Variants in ARSJ observed in about 807,000 individuals in gnomAD.
The protein encoded by ARSJ is arylsulfatase J.
A neutral mutation model predicts 35.9 loss-of-function variants in ARSJ; 26 were observed. The ratio of observed to expected loss-of-function variants is 0.72; its 90% CI spans 0.53 to 1.00. The LOEUF is 1.00. ARSJ is among the 50% of genes least tolerant of loss of function. The pLI is 0.00. For synonymous variants in ARSJ, 294 were observed against 267.6 expected, an observed-to-expected ratio of 1.10 and a Z score of -0.96; for missense variants, 667 against 723.6, an observed-to-expected ratio of 0.92 and a Z score of 0.90.
chr4:113,961,713 A>T (rs539494669), intron 1 of ARSJ, among the ~76,000 whole-genome samples: 8 of 152,144 alleles, frequency 5.3e-5, no homozygotes, highest in Non-Finnish European at 8.8e-5. Flanking sequence ...TTAAAATAAG[A>T]AGCAAAATAG....
intron 1 of ARSJ, among the ~76,000 whole-genome samples, chr4:113,963,811 A>G (rs895450144): frequency 1.3e-5 from 2 of 152,088 alleles, no homozygotes; most frequent in Admixed American, 6.6e-5. Context: ...TAGCCGATGA[A>G]TAGTTTTCTT....
At chr4:113,964,219 C>T (rs897999761) in intron 1 of ARSJ, among the ~76,000 whole-genome samples, 6 of 152,052 alleles carry the variant, frequency 3.9e-5, no homozygotes, top group African/African-American at 1.4e-4. Flanking sequence ...TGCACACACT[C>T]TGAAACTGAT....
chr4:113,904,136 C>T (rs1170676833), intron 1 of ARSJ, among the ~76,000 whole-genome samples: 2 of 151,888 alleles, frequency 1.3e-5, no homozygotes, highest in Non-Finnish European at 2.9e-5. Flanking sequence ...ACCATGTTGG[C>T]CAGGCTAGTC....
intron 1 of ARSJ, among the ~76,000 whole-genome samples, chr4:113,972,710 T>C (rs560019757): frequency 6.6e-6 from 1 of 152,156 alleles, no homozygotes; most frequent in Non-Finnish European, 1.5e-5. Flanking sequence ...GGTCTCACTA[T>C]GTTGTGCAGT....
intron 1 of ARSJ, among the ~76,000 whole-genome samples, chr4:113,962,811 A>G (rs1323014880): frequency 3.9e-5 from 6 of 152,050 alleles, no homozygotes; most frequent in Admixed American, 2.6e-4. Flanking sequence ...ATCCCATTTT[A>G]GTCGAGTGAA....
In ARSJ at chr4:113,902,290, C is replaced by G. The variant is rs768109527; in HGVS notation, c.1784G>C (p.Gly595Ala). The change falls in exon 2 of 2, where the codon GGT (glycine) becomes GCT (alanine). Residue 595 changes from glycine to alanine, a missense_variant. Coordinates refer to ENST00000315366, the MANE Select transcript of ARSJ (RefSeq NM_024590.4). The part of the protein sequence containing the change: ...KAVSGSTCHS[G>A]VTCG ...TATTTGTGCTTATCCACAAGTAACA[C>G]CTGAATGGCAAGTTGAACCTGAGAC... 43 of 1,611,126 alleles carry G rather than the reference C, an allele frequency of 2.7e-5. No individual in the cohort carries two copies. Among genetic ancestry groups the G allele is most frequent in the Non-Finnish European group, 3.4e-5 (40 of 1,180,014 alleles).
chr4:113,953,551 A>G (rs1361877336), intron 1 of ARSJ, among the ~76,000 whole-genome samples: 1 of 151,440 alleles, frequency 6.6e-6, no homozygotes, highest in Non-Finnish European at 1.5e-5. Context: ...TTGAATTTCC[A>G]ATAGGATTTG....
chr4:113,938,460 A>G (rs1371328635), intron 1 of ARSJ, among the ~76,000 whole-genome samples: 2 of 152,096 alleles, frequency 1.3e-5, no homozygotes, highest in Non-Finnish European at 2.9e-5. Context: ...AGGCAATACC[A>G]TTTAGGACAT....
At position 113,964,282 on chromosome 4, in the gene ARSJ, G is replaced by A. The variant is rs116584046; in HGVS notation, c.398+14155C>T. 4.4e-3 allele frequency among the ~76,000 whole-genome samples: 663 copies of A among 152,038 alleles called. 6 individuals are homozygous for A. Among genetic ancestry groups the A allele is most frequent in the African/African-American group, 0.015 (632 of 41,516 alleles). On this transcript the variant is annotated intron_variant, in intron 1 of 1. Transcript: ENST00000315366. ...TGATTTAAACAACACACTGAAATAA[G>A]CATTTGTTTTCTTCAAGTTCACACT...
intron 1 of ARSJ, among the ~76,000 whole-genome samples, chr4:113,932,351 A>G (rs1024439172): frequency 6.6e-6 from 1 of 152,064 alleles, no homozygotes; most frequent in Admixed American, 6.6e-5. Flanking sequence ...GTTAAACTAG[A>G]CATTAGACTA....
In ARSJ at chr4:113,903,147, C is replaced by T. The variant is rs2099667667; in HGVS notation, c.927G>A (p.Leu309=). 1.3e-5 allele frequency: 21 copies of T among 1,614,092 alleles called. No homozygotes were observed. The highest frequency in any genetic ancestry group is 1.8e-5 in the Non-Finnish European group (21 of 1,180,022). Residue 309 remains leucine, a synonymous_variant, in exon 2 of 2, where the codon TTG becomes TTA. Coordinates refer to ENST00000315366, the MANE Select transcript of ARSJ (RefSeq NM_024590.4). ...CLDEAINNVT[L]ALKTYGFYNN... The stretch of plus-strand genomic sequence containing the variant: ...TATAGAAACCATAAGTCTTTAGAGC[C>T]AATGTCACGTTGTTGATTGCTTCAT...
intron 1 of ARSJ, among the ~76,000 whole-genome samples, chr4:113,930,278 G>A (rs1724350472): frequency 6.6e-6 from 1 of 152,114 alleles, no homozygotes; most frequent in African/African-American, 2.4e-5. Flanking sequence ...GAAGGACTTG[G>A]AGTCTGATGT....
chr4:113,960,189 G>C (rs1562371423), intron 1 of ARSJ, among the ~76,000 whole-genome samples: 1 of 151,892 alleles, frequency 6.6e-6, no homozygotes, highest in Non-Finnish European at 1.5e-5. Flanking sequence ...AGTTGTAGTG[G>C]GCATTTTACA....
intron 1 of ARSJ, among the ~76,000 whole-genome samples, chr4:113,961,893 CTCTCTGTGTGTGTGTGTG>C (rs1024127587): frequency 2.4e-4 from 29 of 122,522 alleles, no homozygotes; most frequent in Non-Finnish European, 4.1e-4. Flanking sequence ...CTCTCTCTCT[CTCTCTGTGTGTGTGTGTG>C]TGTGTGTGTG....
At chr4:113,913,682 C>T (rs1046440982) in intron 1 of ARSJ, among the ~76,000 whole-genome samples, 11 of 152,160 alleles carry the variant, frequency 7.2e-5, no homozygotes, top group African/African-American at 2.7e-4. Context: ...TGTACCCACA[C>T]TGCCAAAATA....
intron 1 of ARSJ, among the ~76,000 whole-genome samples, chr4:113,968,092 G>A (rs1343083701): frequency 3.3e-5 from 5 of 152,056 alleles, no homozygotes; most frequent in South Asian, 4.1e-4. Flanking sequence ...GTTTCTATGT[G>A]GCAGGCTCTG....
At chr4:113,965,055 T>A (rs1304281573) in intron 1 of ARSJ, among the ~76,000 whole-genome samples, 2 of 151,996 alleles carry the variant, frequency 1.3e-5, no homozygotes, top group African/African-American at 4.8e-5. Context: ...GGAATTATAT[T>A]TTAAATGCCT....
rs1392589178 is a variant in ARSJ at position 113,979,438 on chromosome 4, A to G, written c.-604T>C. ...CCCAGTCCTTTCCTAGGCGTTTGCC[A>G]ATCTCCCCGACACTCACCAGGCGGC... On this transcript the variant is annotated 5_prime_UTR_variant, in exon 1 of 2. Coordinates refer to ENST00000315366, the MANE Select transcript of ARSJ (RefSeq NM_024590.4). The G allele has an allele frequency of 6.6e-6, 1 of 152,476 alleles. No individual in the cohort carries two copies. Among genetic ancestry groups the G allele is most frequent in the Non-Finnish European group, 1.5e-5 (1 of 68,254 alleles). 9.4% of individuals were successfully genotyped at this position (152,476 alleles called of 1,614,324 possible). A position where few individuals can be genotyped will look rare whatever the true frequency, so the allele number is the denominator to read the frequency against.
chr4:113,904,086 ATTTT>A (rs10607935), intron 1 of ARSJ, among the ~76,000 whole-genome samples: 11,364 of 149,340 alleles, frequency 0.076, 448 homozygotes, highest in East Asian at 0.11. Context: ...ACATGCCCAG[ATTTT>A]TTTTTTTTTT....
Sources: allele counts gnomAD v4.1 joint callset (sites outside exome capture counted in the v4.1 genomes callset), GRCh38; gene constraint gnomAD v4.1.1; transcripts MANE v1.5; gene names NCBI Gene and HGNC (gene_info 2026-07-23, HGNC 2026-07-21).